NRG3: variants seen among roughly 807,000 people sequenced by gnomAD.
NRG3 encodes the protein pro-neuregulin-3, membrane-bound isoform.
Under a neutral mutation model 66.9 loss-of-function variants are expected in NRG3, and 31 were observed. That is an observed-to-expected ratio of 0.46 (90% CI 0.35 to 0.63). The LOEUF (loss-of-function observed/expected upper bound fraction) is 0.63, where lower values mean the gene tolerates loss of function less well. NRG3 is among the 20% of genes least tolerant of loss of function. NRG3 has a pLI of 0.00. For synonymous variants in NRG3, 393 were observed against 359.4 expected, an observed-to-expected ratio of 1.09 and a Z score of -1.06; for missense variants, 910 against 878.9, an observed-to-expected ratio of 1.04 and a Z score of -0.45.
intron 3 of NRG3, among the ~76,000 whole-genome samples, chr10:82,740,618 G>A (rs2058376328): frequency 6.6e-6 from 1 of 152,098 alleles, no homozygotes; most frequent in Non-Finnish European, 1.5e-5. Flanking sequence ...GAGGTCAGGA[G>A]TTTGAGACCA....
At chr10:82,762,481 C>T (rs768674589) in intron 3 of NRG3, among the ~76,000 whole-genome samples, 1 of 152,022 alleles carries the variant, frequency 6.6e-6, no homozygotes, top group Non-Finnish European at 1.5e-5. Flanking sequence ...TTGAATAAGA[C>T]ACACAAATGA....
chr10:82,617,964 G>A (rs1041616926), intron 2 of NRG3, among the ~76,000 whole-genome samples: 1 of 152,112 alleles, frequency 6.6e-6, no homozygotes, highest in Non-Finnish European at 1.5e-5. Context: ...CATGAACTCT[G>A]GTGAGGACCC....
intron 1 of NRG3, chr10:82,232,764 C>T (rs1589410787): frequency 1.4e-6 from 1 of 717,230 alleles, no homozygotes. Flanking sequence ...GGAGGCATGC[C>T]ATACATGGCA....
At chr10:82,247,506 A>G (rs778591270) in intron 1 of NRG3, among the ~76,000 whole-genome samples, 12 of 152,106 alleles carry the variant, frequency 7.9e-5, no homozygotes, top group Non-Finnish European at 1.5e-4. Context: ...TTCTTATGCC[A>G]TCCTTTTGGG....
intron 1 of NRG3, among the ~76,000 whole-genome samples, chr10:82,299,663 A>G (rs1357208688): frequency 2.6e-5 from 4 of 152,138 alleles, no homozygotes; most frequent in Non-Finnish European, 5.9e-5. Flanking sequence ...TCCTGTTACA[A>G]TATCAGAGTT....
chr10:81,923,368 G>A (rs1448652533), intron 1 of NRG3, among the ~76,000 whole-genome samples: 1 of 152,160 alleles, frequency 6.6e-6, no homozygotes, highest in South Asian at 2.1e-4. Flanking sequence ...ACCGCGCCCG[G>A]CTAATTTTTT....
chr10:82,728,283 C>T (rs1182996347), intron 2 of NRG3, among the ~76,000 whole-genome samples: 1 of 151,948 alleles, frequency 6.6e-6, no homozygotes, highest in African/African-American at 2.4e-5. Flanking sequence ...TGGCTGTGTC[C>T]CCACCCAAAT....
At chr10:82,984,532 G>A (rs899953967) in intron 8 of NRG3, among the ~76,000 whole-genome samples, 3 of 152,196 alleles carry the variant, frequency 2.0e-5, no homozygotes, top group Non-Finnish European at 4.4e-5. Flanking sequence ...CACAGTGCCA[G>A]TGGAAATTGG....
intron 4 of NRG3, among the ~76,000 whole-genome samples, chr10:82,937,227 C>T (rs1848164162): frequency 6.6e-6 from 1 of 151,902 alleles, no homozygotes; most frequent in Non-Finnish European, 1.5e-5. Context: ...TAGTAGAAAC[C>T]AATTATATTT....
intron 3 of NRG3, among the ~76,000 whole-genome samples, chr10:82,742,431 G>A (rs933048743): frequency 3.3e-5 from 5 of 151,970 alleles, no homozygotes. Context: ...CTCCATTCAG[G>A]AACATATTTA....
At chr10:82,557,408 A>G (rs1416715743) in intron 2 of NRG3, among the ~76,000 whole-genome samples, 1 of 151,884 alleles carries the variant, frequency 6.6e-6, no homozygotes, top group Admixed American at 6.6e-5. Flanking sequence ...CTTTTTTTTC[A>G]TATGCTTATT....
chr10:82,184,412 A>C (rs1035197494), intron 1 of NRG3, among the ~76,000 whole-genome samples: 9 of 152,158 alleles, frequency 5.9e-5, no homozygotes, highest in African/African-American at 1.7e-4. Flanking sequence ...TCCATTTAAA[A>C]GGGAAATTCA....
intron 2 of NRG3, among the ~76,000 whole-genome samples, chr10:82,687,366 C>A (rs1288088419): frequency 6.6e-6 from 1 of 152,098 alleles, no homozygotes; most frequent in African/African-American, 2.4e-5. Context: ...TGTAATTATT[C>A]TTCATGCCAC....
chr10:82,978,056 C>T (rs893752195), intron 7 of NRG3, among the ~76,000 whole-genome samples: 71 of 152,214 alleles, frequency 4.7e-4, no homozygotes, highest in Admixed American at 1.0e-3. Flanking sequence ...ACTGCAGAAC[C>T]AGTGTGACCA....
At chr10:81,961,094 C>T (rs991523315) in intron 1 of NRG3, among the ~76,000 whole-genome samples, 3 of 152,144 alleles carry the variant, frequency 2.0e-5, no homozygotes, top group African/African-American at 7.2e-5. Context: ...TCTCCTTAAG[C>T]TCTCTTCAGA....
chr10:82,032,912 A>C lies in NRG3; in HGVS notation c.823+156749A>C, dbSNP rs140162236. Among the ~76,000 whole-genome samples the C allele has an allele frequency of 2.8e-4, 42 of 152,252 alleles. No individual in the cohort carries two copies. The East Asian group carries it at 5.0e-3, about 18-fold the overall frequency. ...TCTTCATTCTGGAATGTGTAACTAAAGTAAATTCCAAAAGTAAATGTTAAA... is the reference window on the plus strand; with the variant it reads ...TCTTCATTCTGGAATGTGTAACTAACGTAAATTCCAAAAGTAAATGTTAAA... On this transcript the variant is annotated intron_variant, in intron 1 of 8. Coordinates refer to ENST00000372141, the MANE Select transcript of NRG3 (RefSeq NM_001010848.4).
rs528106253 is a variant in NRG3, at chr10:82,777,885, G to A, written c.1027+39235G>A. On this transcript the variant is annotated intron_variant, in intron 3 of 8. Coordinates refer to ENST00000372141, the MANE Select transcript of NRG3 (RefSeq NM_001010848.4). ...GTAGCTTGGACTCCGGGGAGTAGGGGGCAATACAAAGGTATCTTCATTGCC... is the reference window on the plus strand; with the variant it reads ...GTAGCTTGGACTCCGGGGAGTAGGGAGCAATACAAAGGTATCTTCATTGCC... Among the ~76,000 whole-genome samples, 55 of 152,282 alleles carry A rather than the reference G, an allele frequency of 3.6e-4. 1 individual carries two copies. The South Asian group carries it at 0.01, about 29-fold the overall frequency.
At chr10:82,232,131 A>AT (rs1474664157) in intron 1 of NRG3, 1 of 152,244 alleles carries the variant, frequency 6.6e-6, no homozygotes, top group African/African-American at 2.4e-5. Flanking sequence ...AAGGAAAAAT[A>AT]GAGTCCCTTC....
intron 1 of NRG3, among the ~76,000 whole-genome samples, chr10:82,309,670 G>C (rs1424682281): frequency 6.6e-6 from 1 of 152,082 alleles, no homozygotes; most frequent in Non-Finnish European, 1.5e-5. Flanking sequence ...GGCCAAAGTA[G>C]GTCAGTAAGA....
Sources: allele counts gnomAD v4.1 joint callset (sites outside exome capture counted in the v4.1 genomes callset), GRCh38; gene constraint gnomAD v4.1.1; transcripts MANE v1.5; gene names NCBI Gene and HGNC (gene_info 2026-07-23, HGNC 2026-07-21).